SRRM2: variants seen among roughly 807,000 people sequenced by gnomAD.
SRRM2 encodes serine/arginine repetitive matrix protein 2.
In SRRM2, 30 loss-of-function variants were observed where a neutral mutation model predicts 213.8. That is an observed-to-expected ratio of 0.14 (90% CI 0.10 to 0.19). SRRM2 has a LOEUF of 0.19. Among genes scored for constraint, SRRM2 ranks in the 10% least tolerant of loss-of-function variants. SRRM2 has a pLI of 1.00. For synonymous variants in SRRM2, 2,025 were observed against 1,377.7 expected (o/e 1.47, Z -10.40); for missense variants, 4,904 against 3,647.0 (o/e 1.34, Z -8.88).
At chr16:2,769,488 C>G in intron 12 of SRRM2, 1 of 645,394 alleles carries the variant, frequency 1.5e-6, no homozygotes, top group Non-Finnish European at 2.7e-6. Flanking sequence ...GGCGCTCAGG[C>G]CAGGACCAGG....
At chr16:2,761,177 A>C (rs2240144) in intron 10 of SRRM2, among the ~76,000 whole-genome samples, 146,470 of 152,328 alleles carry the variant, frequency 0.96, 70,646 homozygotes, top group Middle Eastern at 0.99. Flanking sequence ...TCACATCTTT[A>C]TTCATGCTGT....
In SRRM2 at chr16:2,767,628, C is replaced by T. The variant is rs1057240029; in HGVS notation, c.7100C>T (p.Thr2367Ile). 3 of 1,614,070 alleles carry T rather than the reference C, an allele frequency of 1.9e-6. No homozygotes were observed. The highest frequency in any genetic ancestry group is 2.5e-6 in the Non-Finnish European group (3 of 1,180,038). ...GCAGCCTTGGCCCCCGCGAGCCTCA[C>T]CAGTGCTAGGATGGCTCCAGCATTG... Reference protein sequence around the residue: ...TAAALAPASLTSARMAPALSG... With the variant: ...TAAALAPASLISARMAPALSG... Residue 2367 changes from threonine to isoleucine, a missense_variant, in exon 11 of 15, where the codon ACC becomes ATC. By Grantham distance (89) the Thr-to-Ile change is moderately conservative (BLOSUM62 -1). Transcript: ENST00000301740.
At chr16:2,770,504 G>A (rs1300235449) in intron 13 of SRRM2, 39 bp downstream of exon 13, 2 of 1,576,528 alleles carry the variant, frequency 1.3e-6, no homozygotes, top group Admixed American at 1.8e-5. Context: ...AGCCTGTCTG[G>A]CCGCCACTGC....
Position 2,762,537 on chromosome 16 carries a change from G to A in SRRM2, c.2009G>A (p.Arg670His), listed in dbSNP as rs761066930. ...SRTPARRGRS[R>H]SRTPARRSGR... is the part of the protein sequence containing the mutation. ...ACCCCAGCCAGACGTGGCCGCTCAC[G>A]CTCTAGAACCCCAGCTAGACGCAGT... The change falls in exon 11 of 15, where the codon CGC becomes CAC. Residue 670 changes from arginine to histidine, a missense_variant. Coordinates refer to ENST00000301740, the MANE Select transcript of SRRM2 (RefSeq NM_016333.4). The A allele has an allele frequency of 6.2e-6, 10 of 1,613,882 alleles. No homozygotes were observed. The highest frequency in any genetic ancestry group is 3.3e-5 in the Admixed American group (2 of 60,006).
At position 2,765,755 on chromosome 16, in the gene SRRM2, C is replaced by A; in HGVS notation, c.5227C>A (p.Arg1743Ser). Residue 1743 changes from arginine to serine, a missense_variant, in exon 11 of 15, where the codon CGC (arginine) becomes AGC (serine). Transcript: ENST00000301740. ...PEPAEKSRSS[R>S]RRRSASSPRT... ...GCCAGCCGAAAAATCGAGGTCTTCA[C>A]GCCGACGGCGCTCAGCTTCATCTCC... The A allele has an allele frequency of 6.2e-7, 1 of 1,614,100 alleles. No homozygotes were observed. Among genetic ancestry groups the A allele is most frequent in the Non-Finnish European group, 8.5e-7 (1 of 1,180,038 alleles).
In SRRM2 at chr16:2,756,491, C is replaced by G; in HGVS notation, c.127C>G (p.Arg43Gly). The G allele has an allele frequency of 6.2e-7, 1 of 1,613,940 alleles. No individual in the cohort carries two copies. The highest frequency in any genetic ancestry group is 8.5e-7 in the Non-Finnish European group (1 of 1,179,940). ...RPDYKGEEEL[R>G]RLEAALVKRP... The stretch of plus-strand genomic sequence containing the variant: ...TGACTACAAGGGAGAGGAGGAACTG[C>G]GGCGCCTGGAGGCTGCCCTGGTGAA... Residue 43 changes from arginine (R) to glycine (G), a missense_variant, in exon 2 of 15, where the codon CGG (arginine) becomes GGG (glycine). Physicochemically the swap from Arg to Gly is moderately radical, Grantham distance 125. Transcript: ENST00000301740.
intron 1 of SRRM2, among the ~76,000 whole-genome samples, chr16:2,753,184 C>A (rs979891244): frequency 1.3e-5 from 2 of 151,384 alleles, no homozygotes; most frequent in South Asian, 4.2e-4. Context: ...CTGCAGCTGC[C>A]GTTTTCGGCC....
At position 2,767,346 on chromosome 16, in the gene SRRM2, C is replaced by T; in HGVS notation, c.6818C>T (p.Pro2273Leu). 1 of 1,613,848 alleles carries T rather than the reference C, an allele frequency of 6.2e-7. No individual in the cohort carries two copies. The highest frequency in any genetic ancestry group is 1.3e-5 in the African/African-American group (1 of 75,038). The change falls in exon 11 of 15, where the codon CCC becomes CTC. Residue 2273 changes from proline (P) to leucine (L), a missense_variant. Pro to Leu is a moderately conservative substitution (Grantham distance 98). Transcript: ENST00000301740. ...AAAAAMNLAS[P>L]RTAVAPSAVN... ...GCAGCGGCCATGAACTTGGCCAGCC[C>T]CAGAACAGCGGTGGCACCTTCGGCT...
At chr16:2,768,753 A>G (rs1567246268) in intron 11 of SRRM2, 2 of 766,038 alleles carry the variant, frequency 2.6e-6, no homozygotes, top group Non-Finnish European at 4.5e-6. Flanking sequence ...TTCCTCCATC[A>G]GGGACATTCT....
Position 2,763,290 on chromosome 16 carries a change from CAAT to C in SRRM2, c.2767_2769del (p.Ile923del), listed in dbSNP as rs759241566. 20 of 1,614,144 alleles carry C rather than the reference CAAT, an allele frequency of 1.2e-5. No homozygotes were observed. The South Asian group carries it at 1.4e-4, about 12-fold the overall frequency. On this transcript the variant is annotated inframe_deletion, in exon 11 of 15. Coordinates refer to ENST00000301740, the MANE Select transcript of SRRM2 (RefSeq NM_016333.4). Reference sequence around the variant, plus strand: ...TCATCTCCACAACCCAAAGTGAAGGCAATAATATCACCAAGACAAAGAAGCCAT... The same window carrying C: ...TCATCTCCACAACCCAAAGTGAAGGCAATATCACCAAGACAAAGAAGCCAT...
At position 2,768,034 on chromosome 16, in the gene SRRM2, C is replaced by T. The variant is rs767793340; in HGVS notation, c.7506C>T (p.Pro2502=). 1 of 1,614,172 alleles carries T rather than the reference C, an allele frequency of 6.2e-7. No homozygotes were observed. The highest frequency in any genetic ancestry group is 8.5e-7 in the Non-Finnish European group (1 of 1,180,006). The part of the protein sequence containing the change: ...GMLSVPAPGV[P]HSDVGEPPAS... Reference sequence around the variant, plus strand: ...TCTCTGTCCCTGCCCCTGGGGTGCCCCACTCTGATGTGGGGGAGCCACCTG... The same window carrying T: ...TCTCTGTCCCTGCCCCTGGGGTGCCTCACTCTGATGTGGGGGAGCCACCTG... The change falls in exon 11 of 15, where the codon CCC becomes CCT. Residue 2502 remains proline, a synonymous_variant. Coordinates refer to ENST00000301740, the MANE Select transcript of SRRM2 (RefSeq NM_016333.4).
At chr16:2,756,750 G>A in intron 2 of SRRM2, 144 bp downstream of exon 2, 1 of 1,180,184 alleles carries the variant, frequency 8.5e-7, no homozygotes, top group South Asian at 1.6e-5. Flanking sequence ...CTCTAGAGAA[G>A]TGAAAACAGT....
intron 12 of SRRM2, 146 bp downstream of exon 12, chr16:2,769,430 C>A: frequency 1.1e-6 from 1 of 934,370 alleles, no homozygotes; most frequent in Non-Finnish European, 1.6e-6. Flanking sequence ...TCTCCTCTCC[C>A]CATGCTCGTT....
intron 12 of SRRM2, 121 bp downstream of exon 12, chr16:2,769,405 G>T (rs1367114241): frequency 8.6e-7 from 1 of 1,161,074 alleles, no homozygotes; most frequent in African/African-American, 1.5e-5. Flanking sequence ...TGGTTGTGGG[G>T]GAGGAGGCAC....
Position 2,766,746 on chromosome 16 carries a change from C to A in SRRM2, c.6218C>A (p.Pro2073Gln), listed in dbSNP as rs748667051. The A allele has an allele frequency of 6.2e-7, 1 of 1,614,238 alleles. No individual in the cohort carries two copies. The highest frequency in any genetic ancestry group is 1.1e-5 in the South Asian group (1 of 91,090). ...AAACGGTCCTTAACAAGATCTCCTC[C>A]AGCCATCCGCAGGCGTTCTGCATCT... is the stretch of plus-strand genomic sequence containing the variant. Reference protein sequence around the residue: ...RGKRSLTRSPPAIRRRSASGS... With the variant: ...RGKRSLTRSPQAIRRRSASGS... Residue 2073 changes from proline to glutamine, a missense_variant, in exon 11 of 15, where the codon CCA (proline) becomes CAA (glutamine). Transcript: ENST00000301740. The surrounding 1 kb of genome is among the most constrained non-coding windows in gnomAD (Gnocchi z 7.0).
At chr16:2,753,777 C>T (rs2068034888) in intron 1 of SRRM2, 1 of 152,144 alleles carries the variant, frequency 6.6e-6, no homozygotes, top group Non-Finnish European at 1.5e-5. Flanking sequence ...GGGCTTAGGG[C>T]TCTTCTAAAG....
intron 12 of SRRM2, chr16:2,769,757 C>G (rs1434180309): frequency 2.1e-6 from 1 of 467,806 alleles, no homozygotes; most frequent in Admixed American, 2.3e-5. Flanking sequence ...GCCTGCAGGA[C>G]AAAGCCCCAC....
Position 2,762,519 on chromosome 16 carries a change from C to G in SRRM2, c.1991C>G (p.Ala664Gly). The G allele has an allele frequency of 1.2e-6, 2 of 1,613,654 alleles. No individual in the cohort carries two copies. Among genetic ancestry groups the G allele is most frequent in the East Asian group, 4.5e-5 (2 of 44,836 alleles). ...GGCCGCTCACGCTCCAGAACCCCAGCCAGACGTGGCCGCTCACGCTCTAGA... is the reference window on the plus strand; with the variant it reads ...GGCCGCTCACGCTCCAGAACCCCAGGCAGACGTGGCCGCTCACGCTCTAGA... ...RRGRSRSRTP[A>G]RRGRSRSRTP... The change falls in exon 11 of 15, where the codon GCC becomes GGC. Residue 664 changes from alanine to glycine, a missense_variant. Physicochemically the swap from Ala to Gly is moderately conservative, Grantham distance 60 (BLOSUM62 0). Coordinates refer to ENST00000301740, the MANE Select transcript of SRRM2 (RefSeq NM_016333.4).
At chr16:2,761,533 C>T (rs749402213) in intron 10 of SRRM2, 28 bp from the exon 11 acceptor site, 3 of 1,467,550 alleles carry the variant, frequency 2.0e-6, no homozygotes, top group Non-Finnish European at 2.7e-6. Context: ...TTATGAATCC[C>T]TATCCCTGCT....
Sources: gnomAD v4.1 joint callset for allele counts (sites outside exome capture counted in the v4.1 genomes callset) on GRCh38, gnomAD v4.1.1 for gene constraint, Gnocchi (gnomAD v3.1) non-coding constraint, MANE v1.5 for transcripts, NCBI Gene and HGNC (gene_info 2026-07-23, HGNC 2026-07-21) for gene names.